The following CLEC20A variants were observed in gnomAD, a reference collection of about 807,000 sequenced individuals.
CLEC20A encodes putative C-type lectin domain family 20 member A.
chr1:178,481,265 T>G (rs1648977684), intron 7 of CLEC20A: 1 of 152,236 alleles, frequency 6.6e-6, no homozygotes, highest in South Asian at 2.1e-4. Flanking sequence ...AGTAAACACA[T>G]ATACATTATA....
intron 5 of CLEC20A, among the ~76,000 whole-genome samples, chr1:178,486,250 G>A (rs1200580159): frequency 1.3e-5 from 2 of 152,284 alleles, no homozygotes; most frequent in African/African-American, 4.8e-5. Context: ...GAATGCAGCC[G>A]GAGTGGGGAG....
intron 5 of CLEC20A, among the ~76,000 whole-genome samples, chr1:178,487,591 C>T (rs929244758): frequency 1.3e-5 from 2 of 152,226 alleles, no homozygotes; most frequent in Non-Finnish European, 2.9e-5. Flanking sequence ...GGGGGGGATG[C>T]TCCCCTTCTC....
intron 7 of CLEC20A, 146 bp from the exon 8 acceptor site, chr1:178,479,761 T>TA (rs1457339515): frequency 7.7e-6 from 3 of 390,700 alleles, no homozygotes; most frequent in Non-Finnish European, 1.4e-5. Flanking sequence ...TGACTTTTTT[T>TA]ATTAGCATTT....
chr1:178,491,559 C>A (rs1325428504), intron 3 of CLEC20A, among the ~76,000 whole-genome samples: 1 of 152,132 alleles, frequency 6.6e-6, no homozygotes, highest in African/African-American at 2.4e-5. Context: ...GTGTCATTAG[C>A]CTCAGTTCAC....
intron 5 of CLEC20A, among the ~76,000 whole-genome samples, chr1:178,487,176 C>T (rs1157684945): frequency 6.6e-6 from 1 of 152,200 alleles, no homozygotes; most frequent in Non-Finnish European, 1.5e-5. Context: ...CCACGCCTGG[C>T]CTTGCCCACC....
exon 4 of CLEC20A, chr1:178,490,376 C>T (rs551689120): frequency 2.6e-4 from 102 of 398,670 alleles, no homozygotes; most frequent in African/African-American, 1.9e-3. Context: ...ACAGCAGGGC[C>T]GAGGACCATG....
At chr1:178,496,982 C>T (rs1421928617), upstream of CLEC20A, 17 of 399,576 alleles carry the variant, frequency 4.3e-5, no homozygotes, top group South Asian at 2.5e-4. Context: ...TGGCTGGGCA[C>T]GGGACAAGAC....
At chr1:178,483,357 CT>C in intron 5 of CLEC20A, 75 bp from the exon 6 acceptor site, 1 of 397,658 alleles carries the variant, frequency 2.5e-6, no homozygotes, top group Non-Finnish European at 4.4e-6. Flanking sequence ...GTGACTGCCC[CT>C]GAGCTAAAAG....
At position 178,494,447 on chromosome 1, in the gene CLEC20A, AAC is replaced by A; in HGVS notation, c.397+5_397+6del. The A allele has an allele frequency of 5.0e-6, 2 of 400,396 alleles. No homozygotes were observed. Among genetic ancestry groups the A allele is most frequent in the Non-Finnish European group, 8.8e-6 (2 of 226,886 alleles). 24.8% of individuals were successfully genotyped at this position (400,396 alleles called of 1,614,324 possible). A position where few individuals can be genotyped will look rare whatever the true frequency, so the allele number is the denominator to read the frequency against. On this transcript the variant is annotated splice_donor_5th_base_variant and intron_variant, in intron 2 of 7. Transcript: ENST00000623247. ...AGACCAAGCCTGAAATATGAATGTGAACACACCACAGTAGCAGAGGAAGGGCT... is the reference window on the plus strand; with the variant it reads ...AGACCAAGCCTGAAATATGAATGTGAACACCACAGTAGCAGAGGAAGGGCT...
intron 5 of CLEC20A, among the ~76,000 whole-genome samples, chr1:178,485,301 G>A (rs1487963630): frequency 6.6e-6 from 1 of 152,138 alleles, no homozygotes; most frequent in Non-Finnish European, 1.5e-5. Flanking sequence ...TGGCTCCATT[G>A]GCTGGGGGAT....
At chr1:178,488,632 G>A (rs1649206519) in intron 4 of CLEC20A, 33 bp from the exon 5 acceptor site, 1 of 398,624 alleles carries the variant, frequency 2.5e-6, no homozygotes, top group African/African-American at 2.1e-5. Context: ...TGAGGGCAGG[G>A]TCTGCAACAC....
intron 5 of CLEC20A, among the ~76,000 whole-genome samples, chr1:178,485,893 T>C (rs1019459969): frequency 4.6e-5 from 7 of 152,162 alleles, no homozygotes; most frequent in African/African-American, 7.2e-5. Context: ...GCCAGCTCCA[T>C]CTATTAAGGA....
chr1:178,484,063 A>G (rs1315575462), intron 5 of CLEC20A: 1 of 152,168 alleles, frequency 6.6e-6, no homozygotes, highest in Non-Finnish European at 1.5e-5. Flanking sequence ...CACTGAATGT[A>G]CCATAACTTA....
At chr1:178,496,310 C>CCCACA (rs1649388371) in intron 1 of CLEC20A, 1 of 152,846 alleles carries the variant, frequency 6.5e-6, no homozygotes, top group African/African-American at 2.4e-5. Flanking sequence ...CTCGGCAGTC[C>CCCACA]CCACACGCCC....
intron 7 of CLEC20A, chr1:178,480,059 A>G (rs1648924536): frequency 6.7e-6 from 1 of 149,312 alleles, no homozygotes. Context: ...GCCAGGGGGT[A>G]AGAAACACTA....
intron 4 of CLEC20A, 82 bp from the exon 5 acceptor site, chr1:178,488,681 G>A (rs373161073): frequency 3.3e-5 from 13 of 398,004 alleles, no homozygotes; most frequent in East Asian, 3.2e-4. Context: ...TGATGGCCCC[G>A]CATTTGGTTG....
At chr1:178,490,315 C>G (rs911906982) in exon 4 of CLEC20A, 1 of 398,584 alleles carries the variant, frequency 2.5e-6, no homozygotes, top group African/African-American at 2.1e-5. Context: ...TTGCCTGTCT[C>G]ATCCGTCACC....
chr1:178,490,138 T>C (rs775973127), exon 4 of CLEC20A: 52 of 398,630 alleles, frequency 1.3e-4, no homozygotes, highest in Non-Finnish European at 2.1e-4. Context: ...GAGTAGGTCA[T>C]ATAGATGCCA....
upstream of CLEC20A, among the ~76,000 whole-genome samples, chr1:178,497,850 TG>T (rs1429424412): frequency 1.3e-5 from 2 of 152,106 alleles, no homozygotes; most frequent in Non-Finnish European, 2.9e-5. Flanking sequence ...TCCTTGGGGC[TG>T]GCTGCTGGGG....
Sources: allele counts gnomAD v4.1 joint callset (sites outside exome capture counted in the v4.1 genomes callset), GRCh38; gene constraint gnomAD v4.1.1; transcripts MANE v1.5; gene names NCBI Gene and HGNC (gene_info 2026-07-23, HGNC 2026-07-21).